The following ARRDC3 variants were observed in gnomAD, a reference collection of about 807,000 sequenced individuals.
ARRDC3 encodes arrestin domain-containing protein 3.
In ARRDC3, 10 loss-of-function variants were observed where a neutral mutation model predicts 47.2. The ratio of observed to expected loss-of-function variants is 0.21; its 90% CI spans 0.13 to 0.36. The LOEUF (loss-of-function observed/expected upper bound fraction) is 0.36, where lower values mean the gene tolerates loss of function less well. ARRDC3 is among the 10% of genes least tolerant of loss of function. ARRDC3 has a pLI of 1.00. For missense variants in ARRDC3, 381 were observed against 503.6 expected, an observed-to-expected ratio of 0.76 and a Z score of 2.33; for synonymous variants, 156 against 178.3, an observed-to-expected ratio of 0.87 and a Z score of 1.00.
At chr5:91,376,447 A>G (rs1582372773) in intron 3 of ARRDC3, 174 bp downstream of exon 3, 1 of 597,658 alleles carries the variant, frequency 1.7e-6, no homozygotes, top group Non-Finnish European at 2.8e-6. Flanking sequence ...AAATATGAGC[A>G]TATTTTTCAT....
At chr5:91,376,511 A>G in intron 3 of ARRDC3, 110 bp downstream of exon 3, 1 of 1,002,504 alleles carries the variant, frequency 1.0e-6, no homozygotes. Flanking sequence ...TGAAATTTTA[A>G]AAGAAAACCA....
rs926164027 is a variant in ARRDC3, at chr5:91,371,090, C to A, written c.*310G>T. ...ATTGAGCATGTGCAAATTTTCAAAT[C>A]AAAAGAAGGAAATCATCCCTCTTTA... On this transcript the variant is annotated 3_prime_UTR_variant, in exon 8 of 8. Transcript: ENST00000265138. 8.5e-6 allele frequency: 2 copies of A among 234,364 alleles called. No homozygotes were observed. Among genetic ancestry groups the A allele is most frequent in the Non-Finnish European group, 8.2e-6 (1 of 121,752 alleles). 14.5% of individuals were successfully genotyped at this position (234,364 alleles called of 1,614,324 possible).
rs1286539334 is a variant in ARRDC3, at chr5:91,370,254, T to C, written c.*1146A>G. 6.6e-6 allele frequency: 1 copy of C among 152,582 alleles called. No individual in the cohort carries two copies. The highest frequency in any genetic ancestry group is 1.5e-5 in the Non-Finnish European group (1 of 68,020). The allele number at this position is 152,582 out of a possible 1,614,324, so 9.5% of individuals were successfully genotyped here. A position where few individuals can be genotyped will look rare whatever the true frequency, so the allele number is the denominator to read the frequency against. On this transcript the variant is annotated 3_prime_UTR_variant, in exon 8 of 8. Transcript: ENST00000265138. ...TAAAAATAAATGCACTTTTCCCTCC[T>C]TTCCCCAGTGAATGGAAAACTTCCA...
chr5:91,375,867 CAT>C (rs1284928313), intron 3 of ARRDC3, among the ~76,000 whole-genome samples: 1 of 151,876 alleles, frequency 6.6e-6, no homozygotes, highest in Admixed American at 6.6e-5. Context: ...ATCCCATAAA[CAT>C]AGTTTTTTAG....
chr5:91,376,850 T>C (rs1049971752), intron 2 of ARRDC3, 82 bp from the exon 3 acceptor site: 2 of 1,287,904 alleles, frequency 1.6e-6, no homozygotes, highest in Admixed American at 2.9e-5. Context: ...GAAGTGTTAA[T>C]ATATTGTATT....
Position 91,376,893 on chromosome 5 carries a change from T to C in ARRDC3, c.363-125A>G, listed in dbSNP as rs139465042. 1.3e-3 allele frequency: 1,284 copies of C among 954,704 alleles called. 3 individuals carry two copies. The highest frequency in any genetic ancestry group is 3.0e-3 in the Middle Eastern group (8 of 2,650). The allele number at this position is 954,704 out of a possible 1,614,324, so 59.1% of individuals were successfully genotyped here. A position where few individuals can be genotyped will look rare whatever the true frequency, so the allele number is the denominator to read the frequency against. On this transcript the variant is annotated intron_variant, in intron 2 of 7. Transcript: ENST00000265138. ...TTCCAATGAGGTATCAAACATATAATTTAAAAAATTTCCAAAGGGATAAGT... is the reference window on the plus strand; with the variant it reads ...TTCCAATGAGGTATCAAACATATAACTTAAAAAATTTCCAAAGGGATAAGT...
At chr5:91,373,970 A>G in intron 6 of ARRDC3, 132 bp from the exon 7 acceptor site, 3 of 1,459,904 alleles carry the variant, frequency 2.1e-6, no homozygotes, top group South Asian at 1.3e-5. Context: ...ATGAAGACAT[A>G]TAATCAAAAC....
intron 1 of ARRDC3, chr5:91,380,900 CG>C (rs962910961): frequency 5.9e-5 from 9 of 152,308 alleles, no homozygotes; most frequent in African/African-American, 1.9e-4. Context: ...ACGGGCTGGG[CG>C]CCCCCAGAAG....
At chr5:91,381,177 T>G (rs543662517) in intron 1 of ARRDC3, among the ~76,000 whole-genome samples, 10 of 149,836 alleles carry the variant, frequency 6.7e-5, no homozygotes, top group Non-Finnish European at 1.5e-4. Flanking sequence ...TATTCCAGAC[T>G]GAGCTCGTCT....
At chr5:91,377,888 T>A (rs919131501) in intron 2 of ARRDC3, among the ~76,000 whole-genome samples, 1 of 152,082 alleles carries the variant, frequency 6.6e-6, no homozygotes, top group Non-Finnish European at 1.5e-5. Flanking sequence ...TCTCAAGCAC[T>A]AGAATTAACA....
chr5:91,374,802 T>C, intron 5 of ARRDC3, 120 bp downstream of exon 5: 1 of 1,027,040 alleles, frequency 9.7e-7, no homozygotes, highest in South Asian at 1.6e-5. Context: ...GGAGGATCAC[T>C]GGAGCCCAGA....
intron 1 of ARRDC3, among the ~76,000 whole-genome samples, chr5:91,381,673 AAT>A (rs1329961961): frequency 6.6e-6 from 1 of 152,240 alleles, no homozygotes; most frequent in East Asian, 1.9e-4. Context: ...AATAAGGTAA[AAT>A]ATGTCTCTAA....
intron 5 of ARRDC3, 80 bp downstream of exon 5, chr5:91,374,842 T>C: frequency 7.1e-7 from 1 of 1,410,572 alleles, no homozygotes; most frequent in Non-Finnish European, 9.7e-7. Flanking sequence ...GCTGAGACTG[T>C]GCCACTGCAT....
At chr5:91,377,786 G>A (rs1348722205) in intron 2 of ARRDC3, among the ~76,000 whole-genome samples, 1 of 151,720 alleles carries the variant, frequency 6.6e-6, no homozygotes, top group Non-Finnish European at 1.5e-5. Flanking sequence ...AATTAGATGA[G>A]GGCATTATAT....
intron 1 of ARRDC3, among the ~76,000 whole-genome samples, chr5:91,379,677 T>C (rs1489813989): frequency 6.6e-6 from 1 of 152,136 alleles, no homozygotes; most frequent in Non-Finnish European, 1.5e-5. Context: ...ATCATTAAAG[T>C]GCCTATTTAG....
Position 91,373,545 on chromosome 5 carries a change from A to T in ARRDC3, c.1188+139T>A, listed in dbSNP as rs1561290111. 9.0e-6 allele frequency: 8 copies of T among 890,414 alleles called. No homozygotes were observed. The East Asian group carries it at 2.0e-4, about 23-fold the overall frequency. 55.2% of individuals were successfully genotyped at this position (890,414 alleles called of 1,614,324 possible). A position where few individuals can be genotyped will look rare whatever the true frequency, so the allele number is the denominator to read the frequency against. On this transcript the variant is annotated intron_variant, in intron 7 of 7. Transcript: ENST00000265138. ...AGTAAATATTGATGAACCTAATATT[A>T]ACTTTTAATCTGTTGTTTTAAATTA...
At position 91,382,962 on chromosome 5, in the gene ARRDC3, A is replaced by G; in HGVS notation, c.131T>C (p.Val44Ala). 1 of 1,614,006 alleles carries G rather than the reference A, an allele frequency of 6.2e-7. No homozygotes were observed. ...VNLEVTGEIR[V>A]KSLKIHARGH... Reference sequence around the variant, plus strand: ...TCTTGCATGAATTTTAAGAGATTTTACTCTGATTTCCCCAGTAACTTCTAA... The same window carrying G: ...TCTTGCATGAATTTTAAGAGATTTTGCTCTGATTTCCCCAGTAACTTCTAA... The change falls in exon 1 of 8, where the codon GTA (valine) becomes GCA (alanine). Residue 44 changes from valine to alanine, a missense_variant. Coordinates refer to ENST00000265138, the MANE Select transcript of ARRDC3 (RefSeq NM_020801.4).
chr5:91,373,718 T>G lies in ARRDC3; in HGVS notation c.1154A>C (p.Glu385Ala), dbSNP rs768133955. ...LQGPLFAYIQ[E>A]FRFLPPPLYS... is the part of the protein sequence containing the mutation. ...AAGAGGTGGAGGCAAGAATCGAAAC[T>G]CCTGGATATATGCAAACAGTGGTCC... Residue 385 changes from glutamate (E) to alanine (A), a missense_variant, in exon 7 of 8, where the codon GAG (glutamate) becomes GCG (alanine). Transcript: ENST00000265138. The G allele has an allele frequency of 1.2e-6, 2 of 1,613,880 alleles. No individual in the cohort carries two copies. Among genetic ancestry groups the G allele is most frequent in the Non-Finnish European group, 1.7e-6 (2 of 1,179,932 alleles).
chr5:91,375,641 G>T (rs1320956734), intron 3 of ARRDC3, 28 bp from the exon 4 acceptor site: 6 of 1,485,644 alleles, frequency 4.0e-6, no homozygotes, highest in East Asian at 2.3e-5. Context: ...AGAGAAAAAG[G>T]TCAGTGTATG....
Sources: gnomAD v4.1 joint callset for allele counts (sites outside exome capture counted in the v4.1 genomes callset) on GRCh38, gnomAD v4.1.1 for gene constraint, MANE v1.5 for transcripts, NCBI Gene and HGNC (gene_info 2026-07-23, HGNC 2026-07-21) for gene names.